The following MYO5B variants were observed in gnomAD, a reference collection of about 807,000 sequenced individuals.
The protein encoded by MYO5B is myosin VB, also known as unconventional myosin-Vb.
In MYO5B, 143 loss-of-function variants were observed where a neutral mutation model predicts 229.3. That is an observed-to-expected ratio of 0.62 (90% CI 0.54 to 0.72). The LOEUF is 0.72. Among genes scored for constraint, MYO5B ranks in the 30% least tolerant of loss-of-function variants. The pLI is 0.00. For missense variants in MYO5B, 2,321 were observed against 2,331.0 expected (o/e 1.00, Z 0.09); for synonymous variants, 918 against 885.2 (o/e 1.04, Z -0.66).
rs2024898653 is a variant in MYO5B at position 49,906,305 on chromosome 18, C to CTCTCAGCA, written c.2414+113_2414+114insTGCTGAGA. 13 of 1,067,792 alleles carry CTCTCAGCA rather than the reference C, an allele frequency of 1.2e-5. No homozygotes were observed. In the Admixed American group the frequency reaches 2.3e-4, roughly 19 times the overall value. 66.1% of individuals were successfully genotyped at this position (1,067,792 alleles called of 1,614,324 possible). On this transcript the variant is annotated intron_variant, in intron 19 of 39. Transcript: ENST00000285039. ...GAAAAGCCAAGATGCAGACATGGCCCCAACAGGAACCACTCTCAGCACAGA... is the reference window on the plus strand; with the variant it reads ...GAAAAGCCAAGATGCAGACATGGCCCTCTCAGCACAACAGGAACCACTCTCAGCACAGA...
At chr18:50,108,672 G>T (rs1233669904) in intron 1 of MYO5B, among the ~76,000 whole-genome samples, 1 of 152,160 alleles carries the variant, frequency 6.6e-6, no homozygotes, top group Non-Finnish European at 1.5e-5. Context: ...AATCCACAGT[G>T]CCTCATAAGG....
chr18:50,140,452 T>C (rs1568121814), intron 1 of MYO5B, among the ~76,000 whole-genome samples: 1 of 152,322 alleles, frequency 6.6e-6, no homozygotes, highest in South Asian at 2.1e-4. Context: ...TTGGGCAATA[T>C]GGAGATAAAC....
intron 14 of MYO5B, among the ~76,000 whole-genome samples, chr18:49,937,631 T>C (rs536513373): frequency 6.6e-6 from 1 of 152,278 alleles, no homozygotes; most frequent in South Asian, 2.1e-4. Context: ...AATGGATTAT[T>C]CAACATTATT....
At chr18:50,144,136 C>T (rs916067309) in intron 1 of MYO5B, among the ~76,000 whole-genome samples, 1 of 152,122 alleles carries the variant, frequency 6.6e-6, no homozygotes, top group Non-Finnish European at 1.5e-5. Flanking sequence ...GCCCCACCCC[C>T]CTTAGAAATA....
At chr18:50,130,471 A>G (rs4939948) in intron 1 of MYO5B, among the ~76,000 whole-genome samples, 70,610 of 151,994 alleles carry the variant, frequency 0.46, 16,617 homozygotes, top group Admixed American at 0.59. Context: ...CCTGAGATGT[A>G]CACACATGCG....
intron 1 of MYO5B, among the ~76,000 whole-genome samples, chr18:50,107,108 CCTTTTTTTTTT>C (rs1322969950): frequency 2.3e-4 from 25 of 108,994 alleles, no homozygotes; most frequent in African/African-American, 7.7e-4. Context: ...CCTTAGGGTG[CCTTTTTTTTTT>C]TTTTTTTTTT....
rs1047262643 is a variant in MYO5B at position 49,823,112 on chromosome 18, C to G, written c.*3359G>C. 1 of 152,002 alleles carries G rather than the reference C, an allele frequency of 6.6e-6. No homozygotes were observed. The highest frequency in any genetic ancestry group is 1.5e-5 in the Non-Finnish European group (1 of 68,012). 9.4% of individuals were successfully genotyped at this position (152,002 alleles called of 1,614,324 possible). Reference sequence around the variant, plus strand: ...TAGCTTAGTTTCATTTCTGATTGATCCCCTTTGTTAGAATTAGAAATTTTT... The same window carrying G: ...TAGCTTAGTTTCATTTCTGATTGATGCCCTTTGTTAGAATTAGAAATTTTT... On this transcript the variant is annotated 3_prime_UTR_variant, in exon 40 of 40. Transcript: ENST00000285039.
chr18:50,036,811 G>T, intron 4 of MYO5B, 39 bp downstream of exon 4: 1 of 1,612,858 alleles, frequency 6.2e-7, no homozygotes, highest in Non-Finnish European at 8.5e-7. Flanking sequence ...CCTGCCCACT[G>T]ACTACTCAGG....
chr18:50,087,878 A>T (rs935318473), intron 1 of MYO5B, among the ~76,000 whole-genome samples: 6 of 152,188 alleles, frequency 3.9e-5, no homozygotes, highest in African/African-American at 1.4e-4. Context: ...CCTCATGCTA[A>T]CGGGGAAGCA....
At chr18:49,991,870 T>C (rs531757160) in intron 6 of MYO5B, among the ~76,000 whole-genome samples, 3 of 152,144 alleles carry the variant, frequency 2.0e-5, no homozygotes, top group Admixed American at 2.0e-4. Flanking sequence ...GAAAACTAAG[T>C]AGGTAGCCAA....
At chr18:49,936,209 T>A in intron 16 of MYO5B, 43 bp downstream of exon 16, 1 of 1,516,570 alleles carries the variant, frequency 6.6e-7, no homozygotes, top group Non-Finnish European at 9.0e-7. Context: ...CACCTGAACC[T>A]CTAAGGCTGG....
intron 25 of MYO5B, among the ~76,000 whole-genome samples, chr18:49,876,845 C>T (rs2144101425): frequency 6.6e-6 from 1 of 152,360 alleles, no homozygotes; most frequent in East Asian, 1.9e-4. Flanking sequence ...ACCTCCTTCT[C>T]TCCCTCCACC....
In MYO5B at chr18:49,824,474, G is replaced by T; in HGVS notation, c.*1997C>A. On this transcript the variant is annotated 3_prime_UTR_variant, in exon 40 of 40. Coordinates refer to ENST00000285039, the MANE Select transcript of MYO5B (RefSeq NM_001080467.3). ...AGTGACAGCAGAGAGTAGTGACCAA[G>T]AGAGATGGAGAGAATGATGGTATAA... is the stretch of plus-strand genomic sequence containing the variant. 6.6e-6 allele frequency: 1 copy of T among 152,668 alleles called. No homozygotes were observed. The allele number at this position is 152,668 out of a possible 1,614,324, so 9.5% of individuals were successfully genotyped here.
intron 20 of MYO5B, 122 bp from the exon 21 acceptor site, chr18:49,902,955 G>T: frequency 8.1e-7 from 1 of 1,240,860 alleles, no homozygotes; most frequent in Non-Finnish European, 1.1e-6. Flanking sequence ...GAGTTACACA[G>T]ACAATGTGCC....
chr18:49,951,002 A>C (rs1029400637), intron 14 of MYO5B, among the ~76,000 whole-genome samples: 12 of 152,176 alleles, frequency 7.9e-5, no homozygotes, highest in African/African-American at 2.9e-4. Context: ...GGAGTTTGGA[A>C]TTTTGGTTTG....
chr18:50,194,684 G>T, intron 1 of MYO5B, 83 bp downstream of exon 1: 1 of 1,014,866 alleles, frequency 9.9e-7, no homozygotes, highest in Non-Finnish European at 1.4e-6. Context: ...TCCAGTAGCC[G>T]AGGGAGAAGG....
chr18:49,867,037 A>ACG (rs1379632187), intron 27 of MYO5B, among the ~76,000 whole-genome samples: 31 of 152,104 alleles, frequency 2.0e-4, no homozygotes, highest in Admixed American at 5.9e-4. Flanking sequence ...GACAGAGCAG[A>ACG]GCTGGTGGGG....
intron 17 of MYO5B, among the ~76,000 whole-genome samples, chr18:49,918,839 C>T (rs947370243): frequency 2.0e-5 from 3 of 152,164 alleles, no homozygotes; most frequent in African/African-American, 2.4e-5. Flanking sequence ...ATAGATGATT[C>T]TGGATACAAG....
At chr18:49,885,163 C>T (rs2024629135) in intron 22 of MYO5B, among the ~76,000 whole-genome samples, 1 of 152,194 alleles carries the variant, frequency 6.6e-6, no homozygotes, top group Non-Finnish European at 1.5e-5. Flanking sequence ...ACCTAGTCCA[C>T]ACAAAAACTT....
Sources: gnomAD v4.1 joint callset for allele counts (sites outside exome capture counted in the v4.1 genomes callset) on GRCh38, gnomAD v4.1.1 for gene constraint, MANE v1.5 for transcripts, NCBI Gene and HGNC (gene_info 2026-07-23, HGNC 2026-07-21) for gene names.